RIMS2: variants seen among roughly 807,000 people sequenced by gnomAD.
RIMS2 encodes regulating synaptic membrane exocytosis 2, also known as regulating synaptic membrane exocytosis protein 2.
Under a neutral mutation model 174.4 loss-of-function variants are expected in RIMS2, and 59 were observed. That is an observed-to-expected ratio of 0.34 (90% confidence interval 0.27 to 0.42). The LOEUF (loss-of-function observed/expected upper bound fraction) is 0.42, where lower values mean the gene tolerates loss of function less well. Ranked by LOEUF, RIMS2 falls within the 10% of genes least tolerant of loss-of-function variation. RIMS2 has a pLI of 1.00. For synonymous variants in RIMS2, 606 were observed against 572.5 expected (o/e 1.06, Z -0.84); for missense variants, 1,620 against 1,666.3 (o/e 0.97, Z 0.48).
chr8:103,564,634 A>G (rs937022745), intron 1 of RIMS2, among the ~76,000 whole-genome samples: 1 of 152,220 alleles, frequency 6.6e-6, no homozygotes, highest in African/African-American at 2.4e-5. Context: ...GGCAGGAAAC[A>G]TCCAGCATGG....
chr8:103,764,087 A>G (rs2098140903), intron 2 of RIMS2, among the ~76,000 whole-genome samples: 1 of 152,184 alleles, frequency 6.6e-6, no homozygotes, highest in Non-Finnish European at 1.5e-5. Flanking sequence ...GGTGATACTG[A>G]TGCTATTCTC....
rs537056259 is a variant in RIMS2, at chr8:103,911,538, A to G, written c.1693-515A>G. On this transcript the variant is annotated intron_variant, in intron 5 of 23. Coordinates refer to ENST00000504942, the Ensembl canonical transcript of RIMS2. ...CTTTATTATTTTAATCTAGAAACCT[A>G]TGCAAAAAAGCCCTCATCATAGGCT... 8.5e-5 allele frequency among the ~76,000 whole-genome samples: 13 copies of G among 152,270 alleles called. No homozygotes were observed. The East Asian group carries it at 2.3e-3, about 27-fold the overall frequency.
rs139103398 is a variant in RIMS2 at position 103,582,501 on chromosome 8, A to G, written c.176+81439A>G. Among the ~76,000 whole-genome samples the G allele has an allele frequency of 6.8e-3, 1,043 of 152,286 alleles. 7 individuals carry two copies. The highest frequency in any genetic ancestry group is 0.024 in the African/African-American group (989 of 41,560). The stretch of plus-strand genomic sequence containing the variant: ...GAGGGCTCTTGGGGTCCCCAATTCT[A>G]GGACTTGACTCTTAGATGGTATTTC... On this transcript the variant is annotated intron_variant, in intron 1 of 23. Coordinates refer to ENST00000504942, the Ensembl canonical transcript of RIMS2.
intron 17 of RIMS2, among the ~76,000 whole-genome samples, chr8:103,994,346 G>A (rs1407727517): frequency 6.6e-6 from 1 of 152,016 alleles, no homozygotes; most frequent in East Asian, 1.9e-4. Flanking sequence ...TTTTTATCAT[G>A]AGCCTTAGAA....
At chr8:103,555,946 C>G (rs1403190183) in intron 1 of RIMS2, among the ~76,000 whole-genome samples, 11 of 151,870 alleles carry the variant, frequency 7.2e-5, no homozygotes, top group Non-Finnish European at 1.5e-5. Flanking sequence ...GATAGAAAGA[C>G]GAATACTGGA....
chr8:103,813,975 A>G (rs947252912), intron 3 of RIMS2, among the ~76,000 whole-genome samples: 3 of 152,236 alleles, frequency 2.0e-5, no homozygotes, highest in Non-Finnish European at 4.4e-5. Flanking sequence ...ACTACTAACA[A>G]TAGTAAAGAC....
At chr8:104,073,443 T>G (rs993179750) in intron 19 of RIMS2, among the ~76,000 whole-genome samples, 1 of 152,206 alleles carries the variant, frequency 6.6e-6, no homozygotes, top group Admixed American at 6.5e-5. Flanking sequence ...ACTCAAAGCT[T>G]ATTTCTCTGG....
chr8:103,599,154 A>G (rs1047305022), intron 1 of RIMS2, among the ~76,000 whole-genome samples: 11 of 151,918 alleles, frequency 7.2e-5, no homozygotes, highest in African/African-American at 2.7e-4. Flanking sequence ...GCTACTACTT[A>G]CAGTTGTACA....
chr8:103,964,549 G>A (rs1236228443), intron 15 of RIMS2, among the ~76,000 whole-genome samples: 3 of 152,032 alleles, frequency 2.0e-5, no homozygotes, highest in Non-Finnish European at 2.9e-5. Context: ...AGAGTTCTCT[G>A]TATATTTTGG....
rs116173184 is a variant in RIMS2 at position 104,021,293 on chromosome 8, C to T, written c.3334+6678C>T. Among the ~76,000 whole-genome samples the T allele has an allele frequency of 7.7e-3, 1,166 of 152,076 alleles. 24 individuals carry two copies. The highest frequency in any genetic ancestry group is 0.026 in the African/African-American group (1,098 of 41,508). ...GAATATGATTTAAAAGATAATGTAA[C>T]AAAATAAAGTTAAATCATGTAAATA... On this transcript the variant is annotated intron_variant, in intron 19 of 23. Transcript: ENST00000504942.
intron 19 of RIMS2, among the ~76,000 whole-genome samples, chr8:104,089,332 C>G (rs961348184): frequency 1.3e-5 from 2 of 151,794 alleles, no homozygotes; most frequent in African/African-American, 4.8e-5. Context: ...AATTTAGCTT[C>G]TCTCTCATTG....
intron 1 of RIMS2, among the ~76,000 whole-genome samples, chr8:103,509,467 T>C (rs1825405811): frequency 6.6e-6 from 1 of 152,164 alleles, no homozygotes; most frequent in Non-Finnish European, 1.5e-5. Context: ...TATATATTTC[T>C]GTATCACCTC....
rs955669612 is a variant in RIMS2, at chr8:104,222,423, T to C, written c.3335-22493T>C. ...ATTGAATAAATGAACCATTTTAGAT[T>C]GCATAATTTACATTTTACGTTGAAA... On this transcript the variant is annotated intron_variant, in intron 19 of 23. Coordinates refer to ENST00000504942, the Ensembl canonical transcript of RIMS2. Among the ~76,000 whole-genome samples, 4 of 152,226 alleles carry C rather than the reference T, an allele frequency of 2.6e-5. No homozygotes were observed. In the East Asian group the frequency reaches 7.7e-4, roughly 29 times the overall value.
At chr8:103,694,783 G>T (rs2097078530) in intron 1 of RIMS2, among the ~76,000 whole-genome samples, 1 of 152,204 alleles carries the variant, frequency 6.6e-6, no homozygotes, top group Non-Finnish European at 1.5e-5. Flanking sequence ...GCCTGATACT[G>T]GGTTGTGCCT....
At chr8:103,814,992 G>A (rs932904015) in intron 3 of RIMS2, among the ~76,000 whole-genome samples, 2 of 152,152 alleles carry the variant, frequency 1.3e-5, no homozygotes, top group Admixed American at 6.5e-5. Flanking sequence ...TACTTAATAT[G>A]TGATGGTTAA....
At chr8:103,964,358 C>T (rs950574046) in intron 15 of RIMS2, among the ~76,000 whole-genome samples, 2 of 152,118 alleles carry the variant, frequency 1.3e-5, no homozygotes, top group African/African-American at 4.8e-5. Flanking sequence ...TCTGACCATT[C>T]CAATAGGTGT....
chr8:103,637,572 T>C (rs2096118526), intron 1 of RIMS2, among the ~76,000 whole-genome samples: 1 of 152,204 alleles, frequency 6.6e-6, no homozygotes, highest in South Asian at 2.1e-4. Context: ...GGAAGGTTTT[T>C]TGTTTTGTTT....
intron 1 of RIMS2, among the ~76,000 whole-genome samples, chr8:103,593,586 C>A (rs751029294): frequency 1.9e-4 from 29 of 151,436 alleles, no homozygotes; most frequent in Admixed American, 3.3e-4. Flanking sequence ...TCTTCATTTA[C>A]TTCAACCAAA....
At chr8:103,975,567 G>A in intron 16 of RIMS2, 61 bp downstream of exon 18, 1 of 1,188,854 alleles carries the variant, frequency 8.4e-7, no homozygotes, top group Non-Finnish European at 1.2e-6. Context: ...TCTCCAGAGG[G>A]ACAAAACTAA....
Sources: allele counts gnomAD v4.1 joint callset (sites outside exome capture counted in the v4.1 genomes callset), GRCh38; gene constraint gnomAD v4.1.1; transcripts MANE v1.5; gene names NCBI Gene and HGNC (gene_info 2026-07-23, HGNC 2026-07-21).